Variants in PLXNA4 observed in about 807,000 individuals in gnomAD.
PLXNA4 encodes plexin A4, also known as plexin-A4.
In PLXNA4, 44 loss-of-function variants were observed where a neutral mutation model predicts 191.8. The observed-to-expected ratio is 0.23, with a 90% CI of 0.18 to 0.29. PLXNA4 has a LOEUF of 0.29. Among genes scored for constraint, PLXNA4 ranks in the 10% least tolerant of loss-of-function variants. The pLI, the probability that PLXNA4 is intolerant of heterozygous loss-of-function variation, is 1.00. For synonymous variants in PLXNA4, 1,082 were observed against 1,009.5 expected (o/e 1.07, Z -1.36); for missense variants, 1,800 against 2,488.8 (o/e 0.72, Z 5.89).
intron 4 of PLXNA4, among the ~76,000 whole-genome samples, chr7:132,292,420 C>G (rs1800926662): frequency 6.6e-6 from 1 of 152,156 alleles, no homozygotes; most frequent in Non-Finnish European, 1.5e-5. Context: ...AGAGGTAACA[C>G]CCTAGATAGA....
chr7:132,263,055 T>A (rs1799710873), intron 4 of PLXNA4, among the ~76,000 whole-genome samples: 1 of 152,170 alleles, frequency 6.6e-6, no homozygotes. Context: ...TTATGTTGTC[T>A]GGGCCCCTGA....
At chr7:132,566,246 G>A (rs1234476542) in intron 1 of PLXNA4, among the ~76,000 whole-genome samples, 1 of 152,080 alleles carries the variant, frequency 6.6e-6, no homozygotes, top group African/African-American at 2.4e-5. Flanking sequence ...ATACCACTGA[G>A]AGGGTACCCC....
chr7:132,277,623 T>C (rs1800327954), intron 4 of PLXNA4, among the ~76,000 whole-genome samples: 1 of 152,104 alleles, frequency 6.6e-6, no homozygotes. Context: ...TGAGAAACTG[T>C]TGGCGGTTTA....
rs142267277 is a variant in PLXNA4, at chr7:132,518,201, T to G, written c.-86-9422A>C. 3.5e-4 allele frequency among the ~76,000 whole-genome samples: 54 copies of G among 152,260 alleles called. 1 individual carries two copies. The highest frequency in any genetic ancestry group is 1.2e-3 in the African/African-American group (48 of 41,542). On this transcript the variant is annotated intron_variant, in intron 1 of 31. Coordinates refer to ENST00000321063, the MANE Select transcript of PLXNA4 (RefSeq NM_020911.2). ...CCGGCCTTCACTGTCCCCTTGCCCC[T>G]TGTTGCTAGCTATCTCAGAAATGAG...
intron 9 of PLXNA4, among the ~76,000 whole-genome samples, chr7:132,222,270 A>C (rs1417495738): frequency 1.3e-5 from 2 of 152,222 alleles, no homozygotes; most frequent in Non-Finnish European, 2.9e-5. Flanking sequence ...CAGTGCAGTC[A>C]CTACCCACCG....
At chr7:132,384,272 T>C in intron 3 of PLXNA4, 2 of 985,476 alleles carry the variant, frequency 2.0e-6, no homozygotes, top group Non-Finnish European at 2.4e-6. Context: ...TCACTTGTTT[T>C]CAAGTAACCA....
At chr7:132,425,950 C>T (rs1418628117) in intron 3 of PLXNA4, among the ~76,000 whole-genome samples, 1 of 152,184 alleles carries the variant, frequency 6.6e-6, no homozygotes, top group East Asian at 1.9e-4. Flanking sequence ...TGCTCAGTGG[C>T]CCCAACTCCC....
chr7:132,389,048 T>C (rs1805283054), intron 3 of PLXNA4, among the ~76,000 whole-genome samples: 1 of 152,218 alleles, frequency 6.6e-6, no homozygotes, highest in Admixed American at 6.5e-5. Context: ...CATATGTTTG[T>C]TGGATGCATA....
intron 3 of PLXNA4, among the ~76,000 whole-genome samples, chr7:132,355,566 C>T (rs73158813): frequency 0.036 from 5,480 of 152,280 alleles, 150 homozygotes; most frequent in Middle Eastern, 0.068. Flanking sequence ...TAATATTTCC[C>T]TGGTACTAAC....
Position 132,501,105 on chromosome 7 carries a change from T to TGA in PLXNA4, c.1188+6399_1188+6400dup, listed in dbSNP as rs58187367. On this transcript the variant is annotated intron_variant, in intron 2 of 31. Transcript: ENST00000321063. ...TCACACTGCATGAGGCGTGTGTGTG[T>TGA]GAGAGAGAGAAATCTCATTGTACTT... Among the ~76,000 whole-genome samples the TGA allele has an allele frequency of 6.1e-3, 922 of 152,054 alleles. 9 individuals are homozygous for TGA. Among genetic ancestry groups the TGA allele is most frequent in the African/African-American group, 0.021 (877 of 41,458 alleles).
chr7:132,258,599 T>C (rs1052285468), intron 4 of PLXNA4, among the ~76,000 whole-genome samples: 1 of 152,300 alleles, frequency 6.6e-6, no homozygotes, highest in Admixed American at 6.5e-5. Context: ...CTCTCCTCCT[T>C]CCTGTCCCCT....
At chr7:132,228,200 T>G in intron 6 of PLXNA4, 146 bp downstream of exon 6, 1 of 1,035,218 alleles carries the variant, frequency 9.7e-7, no homozygotes. Flanking sequence ...CTTAATTCTT[T>G]GATATCCTGC....
intron 1 of PLXNA4, among the ~76,000 whole-genome samples, chr7:132,552,165 T>C (rs1800591966): frequency 6.6e-6 from 1 of 152,064 alleles, no homozygotes; most frequent in African/African-American, 2.4e-5. Context: ...AGAGTTAATG[T>C]GATGAGCAAG....
intron 14 of PLXNA4, 111 bp from the exon 15 acceptor site, chr7:132,187,718 T>C: frequency 2.7e-6 from 4 of 1,462,308 alleles, no homozygotes; most frequent in Non-Finnish European, 2.7e-6. Context: ...GAATCTTTGG[T>C]AACAGTGGTC....
At chr7:132,151,412 G>GAGAA (rs1795618039) in intron 25 of PLXNA4, among the ~76,000 whole-genome samples, 1 of 5,266 alleles carries the variant, frequency 1.9e-4, no homozygotes, top group African/African-American at 1.2e-3. Flanking sequence ...GAGGAGGAAG[G>GAGAA]AGGAGGAGGA....
intron 3 of PLXNA4, among the ~76,000 whole-genome samples, chr7:132,400,449 T>C (rs781539938): frequency 1.4e-4 from 21 of 152,220 alleles, no homozygotes; most frequent in Non-Finnish European, 4.4e-5. Flanking sequence ...AAATTCCATA[T>C]GTTTGACAAA....
At chr7:132,634,600 G>A (rs1035516022) in intron 2 of PLXNA4, among the ~76,000 whole-genome samples, 1 of 152,126 alleles carries the variant, frequency 6.6e-6, no homozygotes, top group African/African-American at 2.4e-5. Flanking sequence ...AAGCGCCCCT[G>A]GGCCTTTGCA....
At position 132,182,121 on chromosome 7, in the gene PLXNA4, C is replaced by G; in HGVS notation, c.3228G>C (p.Lys1076Asn). The part of the protein sequence containing the change: ...DLIQNPQIRA[K>N]HGGKEHINIC... ...CATTGATGTGCTCCTTCCCTCCATG[C>G]TTGGCACGGATCTGGGGGTTCTGTA... is the stretch of plus-strand genomic sequence containing the variant. The change falls in exon 17 of 32, where the codon AAG becomes AAC. Residue 1076 changes from lysine to asparagine, a missense_variant. Physicochemically the swap from Lys to Asn is moderately conservative, Grantham distance 94. Around this residue, in one of 6 missense-constraint regions of PLXNA4, gnomAD observed 1,397 missense variants for 1,880.4 expected, o/e 0.74. Coordinates refer to ENST00000321063, the MANE Select transcript of PLXNA4 (RefSeq NM_020911.2). The G allele has an allele frequency of 2.5e-6, 4 of 1,614,178 alleles. No homozygotes were observed. Among genetic ancestry groups the G allele is most frequent in the Non-Finnish European group, 3.4e-6 (4 of 1,180,040 alleles).
At chr7:132,376,691 G>T (rs977036731) in intron 3 of PLXNA4, among the ~76,000 whole-genome samples, 1 of 152,178 alleles carries the variant, frequency 6.6e-6, no homozygotes, top group Non-Finnish European at 1.5e-5. Context: ...CTGCAGTGGA[G>T]GCAGCGCCCA....
Sources: gnomAD v4.1 joint callset for allele counts (sites outside exome capture counted in the v4.1 genomes callset) on GRCh38, gnomAD v4.1.1 for gene constraint, gnomAD v4.1.1 regional missense constraint, MANE v1.5 for transcripts, NCBI Gene and HGNC (gene_info 2026-07-23, HGNC 2026-07-21) for gene names.